SLC24A3: variants seen among roughly 807,000 people sequenced by gnomAD.
SLC24A3 encodes the protein sodium/potassium/calcium exchanger 3.
Under a neutral mutation model 75.8 loss-of-function variants are expected in SLC24A3, and 28 were observed. That is an observed-to-expected ratio of 0.37 (90% CI 0.27 to 0.51). The LOEUF (loss-of-function observed/expected upper bound fraction) is 0.51, where lower values mean the gene tolerates loss of function less well. Ranked by LOEUF, SLC24A3 falls within the 20% of genes least tolerant of loss-of-function variation. The pLI is 0.94. For synonymous variants in SLC24A3, 372 were observed against 334.1 expected, an observed-to-expected ratio of 1.11 and a Z score of -1.24; for missense variants, 663 against 847.8, an observed-to-expected ratio of 0.78 and a Z score of 2.71.
At chr20:19,470,912 A>G (rs1303174437) in intron 2 of SLC24A3, among the ~76,000 whole-genome samples, 1 of 152,234 alleles carries the variant, frequency 6.6e-6, no homozygotes, top group Non-Finnish European at 1.5e-5. Flanking sequence ...GGGAGATATC[A>G]GCAAAACACT....
intron 1 of SLC24A3, among the ~76,000 whole-genome samples, chr20:19,255,141 T>C (rs1333630534): frequency 1.3e-5 from 2 of 152,244 alleles, no homozygotes; most frequent in Non-Finnish European, 2.9e-5. Flanking sequence ...AGACCTCATC[T>C]ACCCAGGCGT....
At chr20:19,385,408 T>C (rs1157252670) in intron 2 of SLC24A3, among the ~76,000 whole-genome samples, 1 of 152,198 alleles carries the variant, frequency 6.6e-6, no homozygotes, top group Non-Finnish European at 1.5e-5. Flanking sequence ...TCTTTCCCCG[T>C]TGTGTGTTCT....
rs940612454 is a variant in SLC24A3 at position 19,454,132 on chromosome 20, C to T, written c.272-61356C>T. Reference sequence around the variant, plus strand: ...GTGCTCAGAGCCAGTGATTTAGAGGCGGGTCTGATGTAATTGAATATTTAT... The same window carrying T: ...GTGCTCAGAGCCAGTGATTTAGAGGTGGGTCTGATGTAATTGAATATTTAT... On this transcript the variant is annotated intron_variant, in intron 2 of 16. Transcript: ENST00000328041. Among the ~76,000 whole-genome samples, 5 of 152,058 alleles carry T rather than the reference C, an allele frequency of 3.3e-5. 1 individual carries two copies. The South Asian group carries it at 6.2e-4, about 19-fold the overall frequency.
At chr20:19,452,027 A>G (rs1388778355) in intron 2 of SLC24A3, among the ~76,000 whole-genome samples, 2 of 152,220 alleles carry the variant, frequency 1.3e-5, no homozygotes, top group Admixed American at 1.3e-4. Context: ...GGCTATTTTC[A>G]GAAGCTCAGA....
chr20:19,461,350 T>A (rs765461223), intron 2 of SLC24A3, among the ~76,000 whole-genome samples: 20 of 152,164 alleles, frequency 1.3e-4, no homozygotes, highest in Non-Finnish European at 2.4e-4. Flanking sequence ...AAAAGAAAAA[T>A]ATATATATAC....
chr20:19,502,468 G>C (rs564108232), intron 2 of SLC24A3, among the ~76,000 whole-genome samples: 2 of 152,212 alleles, frequency 1.3e-5, no homozygotes, highest in African/African-American at 4.8e-5. Flanking sequence ...TTGATAAACA[G>C]TTCAGATGCT....
chr20:19,639,411 G>A (rs1358222691), intron 6 of SLC24A3, among the ~76,000 whole-genome samples: 2 of 152,148 alleles, frequency 1.3e-5, no homozygotes, highest in Non-Finnish European at 2.9e-5. Context: ...GTCGATTGGT[G>A]CATTCACAAA....
intron 6 of SLC24A3, among the ~76,000 whole-genome samples, chr20:19,624,269 A>G (rs2031840924): frequency 6.6e-6 from 1 of 152,138 alleles, no homozygotes; most frequent in South Asian, 2.1e-4. Flanking sequence ...TCACTCAGTG[A>G]CAGCTCTGTA....
chr20:19,397,000 G>A (rs774010312), intron 2 of SLC24A3, among the ~76,000 whole-genome samples: 36 of 152,334 alleles, frequency 2.4e-4, no homozygotes, highest in Non-Finnish European at 4.7e-4. Flanking sequence ...AACTTGGCCT[G>A]AAGGGTAAAT....
chr20:19,720,833 G>A (rs940491950), intron 16 of SLC24A3, among the ~76,000 whole-genome samples, 158 bp from the exon 17 acceptor site: 21 of 152,084 alleles, frequency 1.4e-4, no homozygotes, highest in African/African-American at 5.1e-4. Flanking sequence ...CCCACAATCT[G>A]AGACGAGAGG....
chr20:19,236,199 C>T (rs1251644452), intron 1 of SLC24A3, among the ~76,000 whole-genome samples: 1 of 152,184 alleles, frequency 6.6e-6, no homozygotes, highest in African/African-American at 2.4e-5. Context: ...TTGAAGGCAC[C>T]TAGAGTCAAG....
chr20:19,273,840 A>C (rs1335752272), intron 1 of SLC24A3, among the ~76,000 whole-genome samples: 1 of 150,580 alleles, frequency 6.6e-6, no homozygotes, highest in African/African-American at 2.4e-5. Context: ...GGGCTGGGTC[A>C]AGGTCTCCCT....
In SLC24A3 at chr20:19,693,407, C is replaced by T. The variant is rs761605448; in HGVS notation, c.1473C>T (p.Ser491=). Residue 491 remains serine (S), a synonymous_variant, in exon 13 of 17, where the codon TCC becomes TCT. Transcript: ENST00000328041. ...CCACGCTGTGGATCGCAGCCTTCTC[C>T]TACATGATGGTGTGGATGGTGAGTG... ...ASSTLWIAAF[S]YMMVWMVTII... is the part of the protein sequence containing the mutation. 5.6e-6 allele frequency: 9 copies of T among 1,614,046 alleles called. No homozygotes were observed. The South Asian group carries it at 9.9e-5, about 18-fold the overall frequency.
At chr20:19,337,560 A>G (rs969173636) in intron 2 of SLC24A3, among the ~76,000 whole-genome samples, 2 of 152,240 alleles carry the variant, frequency 1.3e-5, no homozygotes, top group African/African-American at 4.8e-5. Context: ...ACTTGTTATG[A>G]GCTCAGAACA....
chr20:19,619,314 G>A (rs2122673311), intron 6 of SLC24A3, among the ~76,000 whole-genome samples: 1 of 152,260 alleles, frequency 6.6e-6, no homozygotes, highest in African/African-American at 2.4e-5. Flanking sequence ...GCTACCTGAA[G>A]GCACCGTGCT....
At chr20:19,341,747 AT>A (rs966108447) in intron 2 of SLC24A3, among the ~76,000 whole-genome samples, 1 of 152,080 alleles carries the variant, frequency 6.6e-6, no homozygotes, top group Non-Finnish European at 1.5e-5. Flanking sequence ...AGCCTTTTTG[AT>A]ATCCTCTGTC....
intron 2 of SLC24A3, among the ~76,000 whole-genome samples, chr20:19,454,143 T>C (rs931368565): frequency 3.3e-5 from 5 of 152,086 alleles, no homozygotes; most frequent in African/African-American, 1.2e-4. Context: ...GGGTCTGATG[T>C]AATTGAATAT....
chr20:19,656,614 G>GA (rs895718677), intron 7 of SLC24A3, among the ~76,000 whole-genome samples: 8 of 151,718 alleles, frequency 5.3e-5, no homozygotes, highest in Non-Finnish European at 7.4e-5. Flanking sequence ...GATGATTTTT[G>GA]AAAAAAATTT....
chr20:19,311,170 A>T (rs1277808815), intron 2 of SLC24A3, among the ~76,000 whole-genome samples: 2 of 151,574 alleles, frequency 1.3e-5, no homozygotes, highest in African/African-American at 4.9e-5. Flanking sequence ...GGTTACTCAT[A>T]TGTGTGTAGA....
Sources: allele counts gnomAD v4.1 joint callset (sites outside exome capture counted in the v4.1 genomes callset), GRCh38; gene constraint gnomAD v4.1.1; transcripts MANE v1.5; gene names NCBI Gene and HGNC (gene_info 2026-07-23, HGNC 2026-07-21).